Variants in RPL3 observed in about 807,000 individuals in gnomAD.
RPL3 encodes ribosomal protein L3.
A neutral mutation model predicts 46.0 loss-of-function variants in RPL3; 3 were observed. The observed-to-expected ratio is 0.07, with a 90% CI of 0.03 to 0.17. The LOEUF (loss-of-function observed/expected upper bound fraction) is 0.17, where lower values mean the gene tolerates loss of function less well. RPL3 is among the 10% of genes least tolerant of loss of function. RPL3 has a pLI of 1.00. For missense variants in RPL3, 387 were observed against 532.7 expected, an observed-to-expected ratio of 0.73 and a Z score of 2.69; for synonymous variants, 224 against 190.8, an observed-to-expected ratio of 1.17 and a Z score of -1.43.
rs774113001 is a variant in RPL3 at position 39,315,358 on chromosome 22, G to A, written c.688+11C>T. On this transcript the variant is annotated intron_variant, in intron 5 of 9. Coordinates refer to ENST00000216146, the MANE Select transcript of RPL3 (RefSeq NM_000967.4). ...GGTTTGCACAGCAACTCAAGCCACC[G>A]CAAAGCTCACCTTTGTAGCCTTTGC... 4.6e-5 allele frequency: 74 copies of A among 1,613,692 alleles called. No individual in the cohort carries two copies. In the South Asian group the frequency reaches 6.3e-4, roughly 14 times the overall value.
intron 4 of RPL3, 95 bp from the exon 5 acceptor site, chr22:39,315,650 C>A: frequency 2.1e-6 from 3 of 1,448,804 alleles, no homozygotes; most frequent in Admixed American, 4.0e-5. Flanking sequence ...ATGTCAAGCA[C>A]ACGGCAAAAA....
At chr22:39,319,526 G>A (rs760255471) in intron 1 of RPL3, 69 bp downstream of exon 1, 12 of 1,550,610 alleles carry the variant, frequency 7.7e-6, no homozygotes, top group African/African-American at 4.1e-5. Flanking sequence ...ACGGGATGGC[G>A]GCGATGCGTC....
At chr22:39,317,282 C>T (rs140414162) in intron 3 of RPL3, 179 bp downstream of exon 3, 5 of 720,396 alleles carry the variant, frequency 6.9e-6, no homozygotes, top group East Asian at 5.5e-5. Flanking sequence ...TGTTAGCTTC[C>T]GGCTGAAACC....
intron 8 of RPL3, 55 bp from the exon 9 acceptor site, chr22:39,313,365 G>C: frequency 6.2e-7 from 1 of 1,607,894 alleles, no homozygotes; most frequent in Non-Finnish European, 8.5e-7. Context: ...GCTTTCCTCA[G>C]CACTGTTCAC....
chr22:39,318,029 A>C (rs1473632616), intron 2 of RPL3: 1 of 347,446 alleles, frequency 2.9e-6, no homozygotes, highest in Non-Finnish European at 5.3e-6. Context: ...TAGAACACAC[A>C]CAGGTAAGTG....
At chr22:39,317,756 T>A in intron 2 of RPL3, 127 bp from the exon 3 acceptor site, 2 of 996,312 alleles carry the variant, frequency 2.0e-6, no homozygotes, top group South Asian at 1.5e-5. Flanking sequence ...CAGTACGGAC[T>A]CACAGGGCTG....
At chr22:39,319,229 G>C (rs1364098070) in intron 1 of RPL3, 2 of 518,662 alleles carry the variant, frequency 3.9e-6, no homozygotes, top group East Asian at 4.6e-5. Flanking sequence ...ACGGCGCCGA[G>C]AACCTCCACC....
In RPL3 at chr22:39,315,263, G is replaced by C. The variant is rs774651790; in HGVS notation, c.688+106C>G. 3 of 1,447,204 alleles carry C rather than the reference G, an allele frequency of 2.1e-6. No homozygotes were observed. The Admixed American group carries it at 5.0e-5, about 24-fold the overall frequency. The allele number at this position is 1,447,204 out of a possible 1,614,324, so 89.6% of individuals were successfully genotyped here. On this transcript the variant is annotated intron_variant, in intron 5 of 9. Transcript: ENST00000216146. ...AGAATGGTTCTACACTGTCCGATTC[G>C]GGCGCTGTACCCAGCGCTCACTCTG...
chr22:39,313,895 C>A (rs762366435), intron 7 of RPL3, 166 bp from the exon 8 acceptor site: 2 of 851,480 alleles, frequency 2.3e-6, no homozygotes, highest in Non-Finnish European at 4.0e-6. Context: ...ACATTCCAGG[C>A]CTCATCACTG....
chr22:39,318,696 TG>T, intron 1 of RPL3, 104 bp from the exon 2 acceptor site: 1 of 955,612 alleles, frequency 1.0e-6, no homozygotes, highest in Non-Finnish European at 1.5e-6. Context: ...TGAAGAATCC[TG>T]ACCAGACACC....
rs1286391658 is a variant in RPL3, at chr22:39,313,017, A to T, written c.1168-33T>A. The T allele has an allele frequency of 6.8e-6, 11 of 1,613,884 alleles. No individual in the cohort carries two copies. The East Asian group carries it at 1.3e-4, about 20-fold the overall frequency. On this transcript the variant is annotated intron_variant, in intron 9 of 9. Transcript: ENST00000216146. ...GAGAGAGGCAGTGGTCAGAGGTAGA[A>T]GATGACAGGTGACAGCAGATGCCCA...
intron 8 of RPL3, 65 bp from the exon 9 acceptor site, chr22:39,313,375 C>G (rs1472288003): frequency 1.3e-6 from 2 of 1,595,752 alleles, no homozygotes; most frequent in Admixed American, 1.7e-5. Context: ...GCACTGTTCA[C>G]AGCGCCCCTG....
At position 39,317,531 on chromosome 22, in the gene RPL3, G is replaced by A. The variant is rs1297822123; in HGVS notation, c.295C>T (p.Leu99Phe). ...GCAAAGACAGTCTTGAAGGTCCGGA[G>A]GCCTCGAGGGGTTTCCACGTAGCCC... The part of the protein sequence containing the change: ...IVGYVETPRG[L>F]RTFKTVFAEH... Residue 99 changes from leucine (L) to phenylalanine (F), a missense_variant, in exon 3 of 10, where the codon CTC (leucine) becomes TTC (phenylalanine). By Grantham distance (22) the Leu-to-Phe change is conservative. Coordinates refer to ENST00000216146, the MANE Select transcript of RPL3 (RefSeq NM_000967.4). 3.1e-6 allele frequency: 5 copies of A among 1,613,846 alleles called. No homozygotes were observed. The African/African-American group carries it at 4.0e-5, about 13-fold the overall frequency.
rs1922501317 is a variant in RPL3, at chr22:39,313,733, G to A, written c.952-4C>T. ...CACCATAGTGGACAAAGCCACCCTG[G>A]AAAACGAGCATCGGATCAGCACAGG... On this transcript the variant is annotated splice_region_variant and splice_polypyrimidine_tract_variant and intron_variant, in intron 7 of 9. Transcript: ENST00000216146. 1 of 1,613,844 alleles carries A rather than the reference G, an allele frequency of 6.2e-7. No homozygotes were observed. The highest frequency in any genetic ancestry group is 8.5e-7 in the Non-Finnish European group (1 of 1,179,898).
Position 39,314,767 on chromosome 22 carries a change from T to C in RPL3, c.768A>G (p.Ala256=). ...AGAAGGCTACACGAGCAGGATGCCA[T>C]GCCCCAATACAGGCCACCTTGCGCA... ...RGLRKVACIG[A]WHPARVAFSV... Residue 256 remains alanine, a synonymous_variant, in exon 6 of 10, where the codon GCA becomes GCG. Transcript: ENST00000216146. The C allele has an allele frequency of 1.2e-6, 2 of 1,613,668 alleles. No individual in the cohort carries two copies. Among genetic ancestry groups the C allele is most frequent in the Non-Finnish European group, 1.7e-6 (2 of 1,179,990 alleles).
intron 6 of RPL3, 100 bp from the exon 7 acceptor site, chr22:39,314,308 C>G (rs921860913): frequency 1.9e-6 from 2 of 1,026,906 alleles, no homozygotes; most frequent in Admixed American, 3.6e-5. Flanking sequence ...GCAGCTGAGG[C>G]CTCAGTCCCA....
chr22:39,315,412 C>T lies in RPL3; in HGVS notation c.645G>A (p.Glu215=), dbSNP rs1281396334. The stretch of plus-strand genomic sequence containing the variant: ...TGGTCACCCCGATGACGTCGATCAT[C>T]TCATCCTGCCCAAACACTTGGTTCA... ...VPVNQVFGQD[E]MIDVIGVTKG... Residue 215 remains glutamate (E), a synonymous_variant, in exon 5 of 10, where the codon GAG becomes GAA. Transcript: ENST00000216146. 1 of 1,613,902 alleles carries T rather than the reference C, an allele frequency of 6.2e-7. No homozygotes were observed. The highest frequency in any genetic ancestry group is 1.7e-5 in the Admixed American group (1 of 60,008).
chr22:39,312,939 A>T lies in RPL3; in HGVS notation c.*1T>A. 1 of 1,614,174 alleles carries T rather than the reference A, an allele frequency of 6.2e-7. No individual in the cohort carries two copies. Among genetic ancestry groups the T allele is most frequent in the Non-Finnish European group, 8.5e-7 (1 of 1,179,982 alleles). On this transcript the variant is annotated 3_prime_UTR_variant, in exon 10 of 10. Coordinates refer to ENST00000216146, the MANE Select transcript of RPL3 (RefSeq NM_000967.4). Reference sequence around the variant, plus strand: ...ACCAACTGCAAAATCTGTTCCTGGCATTAAGCTCCTTCTTCCTTTGCAATT... The same window carrying T: ...ACCAACTGCAAAATCTGTTCCTGGCTTTAAGCTCCTTCTTCCTTTGCAATT...
intron 2 of RPL3, chr22:39,318,181 C>G: frequency 1.8e-6 from 1 of 541,754 alleles, no homozygotes; most frequent in Non-Finnish European, 3.2e-6. Context: ...AAATCAATAC[C>G]CCACACCGCA....
Sources: gnomAD v4.1 joint callset for allele counts on GRCh38, gnomAD v4.1.1 for gene constraint, MANE v1.5 for transcripts, NCBI Gene and HGNC (gene_info 2026-07-23, HGNC 2026-07-21) for gene names.